LPP: variants seen among roughly 807,000 people sequenced by gnomAD.
The protein encoded by LPP is lipoma-preferred partner.
In LPP, 38 loss-of-function variants were observed where a neutral mutation model predicts 60.4. The observed-to-expected ratio is 0.63, with a 90% confidence interval of 0.49 to 0.83. The LOEUF (loss-of-function observed/expected upper bound fraction) is 0.83. Among genes scored for constraint, LPP ranks in the 40% least tolerant of loss-of-function variants. The pLI, the probability that LPP is intolerant of heterozygous loss-of-function variation, is 0.00. For missense variants in LPP, 902 were observed against 783.6 expected, an observed-to-expected ratio of 1.15 and a Z score of -1.80; for synonymous variants, 328 against 290.8, an observed-to-expected ratio of 1.13 and a Z score of -1.30.
rs148121433 is a variant in LPP at position 188,772,394 on chromosome 3, C to A, written c.1410+12112C>A. ...CTCATAGGATTGATCCTCACCACAA[C>A]TGGTATTATCAAGTCACTGGCATCC... On this transcript the variant is annotated intron_variant, in intron 9 of 11. Transcript: ENST00000617246. Among the ~76,000 whole-genome samples, 15 of 152,352 alleles carry A rather than the reference C, an allele frequency of 9.8e-5. No homozygotes were observed. The East Asian group carries it at 2.5e-3, about 25-fold the overall frequency.
At chr3:188,241,320 C>T (rs989696157) in intron 2 of LPP, among the ~76,000 whole-genome samples, 4 of 152,230 alleles carry the variant, frequency 2.6e-5, no homozygotes, top group Non-Finnish European at 5.9e-5. Context: ...AACGCCTGTC[C>T]GCTGTGTGCT....
At chr3:188,256,471 A>G (rs1192039692) in intron 2 of LPP, among the ~76,000 whole-genome samples, 2 of 152,240 alleles carry the variant, frequency 1.3e-5, no homozygotes, top group Non-Finnish European at 2.9e-5. Flanking sequence ...TTATGACACC[A>G]AACAGAATGA....
In LPP at chr3:188,734,660, C is replaced by G. The variant is rs535165639; in HGVS notation, c.1241-25453C>G. On this transcript the variant is annotated intron_variant, in intron 8 of 11. Coordinates refer to ENST00000617246, the MANE Select transcript of LPP (RefSeq NM_001375462.1). ...TGGATTATTGTAACAGCCTGTGGAACCTCCTTCCCTGGGGAATTTTGAGAA... is the reference window on the plus strand; with the variant it reads ...TGGATTATTGTAACAGCCTGTGGAAGCTCCTTCCCTGGGGAATTTTGAGAA... Among the ~76,000 whole-genome samples, 4 of 152,232 alleles carry G rather than the reference C, an allele frequency of 2.6e-5. No homozygotes were observed. In the South Asian group the frequency reaches 6.2e-4, roughly 24 times the overall value.
Position 188,352,492 on chromosome 3 carries a change from G to A in LPP, c.-10+10773G>A, listed in dbSNP as rs772886227. Among the ~76,000 whole-genome samples, 11 of 152,304 alleles carry A rather than the reference G, an allele frequency of 7.2e-5. No individual in the cohort carries two copies. The highest frequency in any genetic ancestry group is 1.6e-4 in the Non-Finnish European group (11 of 68,022). The stretch of plus-strand genomic sequence containing the variant: ...CTGTGTGACTGGCGAGCCCTCAGTT[G>A]CCACTTGGAAACGGTTGGAAACTGT... On this transcript the variant is annotated intron_variant, in intron 3 of 11. Transcript: ENST00000617246. The surrounding 1 kb of genome is among the most constrained non-coding windows in gnomAD (Gnocchi z 4.4).
intron 9 of LPP, among the ~76,000 whole-genome samples, chr3:188,856,876 T>C (rs897045493): frequency 2.6e-5 from 4 of 152,220 alleles, no homozygotes; most frequent in African/African-American, 9.7e-5. Context: ...TATTTATCAG[T>C]GTGCAACAAT....
At chr3:188,275,661 G>A (rs753059467) in intron 2 of LPP, among the ~76,000 whole-genome samples, 6 of 150,368 alleles carry the variant, frequency 4.0e-5, no homozygotes, top group Non-Finnish European at 7.4e-5. Context: ...ATTATTTATT[G>A]AGCACCTGCT....
At chr3:188,585,482 C>A (rs1301839395) in intron 6 of LPP, among the ~76,000 whole-genome samples, 2 of 152,134 alleles carry the variant, frequency 1.3e-5, no homozygotes, top group Non-Finnish European at 2.9e-5. Flanking sequence ...GATTTTCTCA[C>A]AACTCTGACA....
chr3:188,800,760 A>C (rs1353730181), intron 9 of LPP, among the ~76,000 whole-genome samples: 3 of 152,080 alleles, frequency 2.0e-5, no homozygotes, highest in East Asian at 3.9e-4. Flanking sequence ...TAAAAATGGA[A>C]TCTCATTGTT....
At chr3:188,341,267 G>A (rs1372488947) in intron 2 of LPP, among the ~76,000 whole-genome samples, 1 of 152,202 alleles carries the variant, frequency 6.6e-6, no homozygotes, top group Non-Finnish European at 1.5e-5. Flanking sequence ...GGACTAGCAG[G>A]CACAAACTTT....
intron 5 of LPP, among the ~76,000 whole-genome samples, chr3:188,509,696 C>T (rs867802244): frequency 2.2e-4 from 22 of 97,916 alleles, no homozygotes; most frequent in African/African-American, 5.7e-4. Context: ...CTCTCTCTCT[C>T]TCTTTTCTTT....
chr3:188,272,557 T>G (rs1021616002), intron 2 of LPP, among the ~76,000 whole-genome samples: 3 of 152,176 alleles, frequency 2.0e-5, no homozygotes, highest in African/African-American at 7.2e-5. Context: ...CTTTTGCTAC[T>G]GCAGAGGTAT....
intron 9 of LPP, among the ~76,000 whole-genome samples, chr3:188,819,944 G>A (rs976018081): frequency 2.6e-5 from 4 of 152,106 alleles, no homozygotes; most frequent in Non-Finnish European, 4.4e-5. Context: ...AATTAAGATC[G>A]CTGTCCATCT....
At position 188,609,284 on chromosome 3, in the gene LPP, G is replaced by C; in HGVS notation, c.553G>C (p.Ala185Pro). The change falls in exon 7 of 12, where the codon GCA (alanine) becomes CCA (proline). Residue 185 changes from alanine (A) to proline (P), a missense_variant. Coordinates refer to ENST00000617246, the MANE Select transcript of LPP (RefSeq NM_001375462.1). This position sits in a 1 kb window ranked among gnomAD's most constrained non-coding sequence, Gnocchi z 6.9. The part of the protein sequence containing the change: ...TKKSTLKPQP[A>P]PQAGPIPVAP... ...GAAGTCTACATTGAAACCACAGCCT[G>C]CACCCCAGGCTGGACCCATCCCTGT... is the stretch of plus-strand genomic sequence containing the variant. 2 of 1,613,982 alleles carry C rather than the reference G, an allele frequency of 1.2e-6. No homozygotes were observed. Among genetic ancestry groups the C allele is most frequent in the Admixed American group, 3.3e-5 (2 of 60,012 alleles).
At position 188,441,609 on chromosome 3, in the gene LPP, C is replaced by CTTTCTT. The variant is rs1793886236; in HGVS notation, c.193+35299_193+35300insCTTTTT. 1.6e-3 allele frequency among the ~76,000 whole-genome samples: 89 copies of CTTTCTT among 55,664 alleles called. 3 individuals carry two copies. The highest frequency in any genetic ancestry group is 5.2e-3 in the East Asian group (8 of 1,546). The allele number at this position is 55,664 out of a possible 152,430, so 36.5% of individuals were successfully genotyped here. On this transcript the variant is annotated intron_variant, in intron 4 of 11. Transcript: ENST00000617246. The stretch of plus-strand genomic sequence containing the variant: ...ACAGTTTCTTTTTTTCTTTTCTTTT[C>CTTTCTT]TTTTTTTTTTTTTTTTTTTTTTTTT...
intron 9 of LPP, among the ~76,000 whole-genome samples, chr3:188,817,301 C>T (rs551428027): frequency 1.3e-5 from 2 of 152,160 alleles, no homozygotes; most frequent in Non-Finnish European, 2.9e-5. Flanking sequence ...TTCACAGAGC[C>T]TTATCAAAGT....
chr3:188,311,471 TCTAAACTAAACTAAACTAAA>T (rs56278922), intron 2 of LPP, among the ~76,000 whole-genome samples: 125 of 142,062 alleles, frequency 8.8e-4, no homozygotes, highest in South Asian at 5.3e-3. Flanking sequence ...AGACCCTATC[TCTAAACTAAACTAAACTAAA>T]CTAAACTAAA....
At chr3:188,589,038 T>C (rs1419711423) in intron 6 of LPP, among the ~76,000 whole-genome samples, 1 of 152,100 alleles carries the variant, frequency 6.6e-6, no homozygotes, top group East Asian at 1.9e-4. Context: ...CTTCCTGTGA[T>C]AAATTTCTCC....
intron 6 of LPP, among the ~76,000 whole-genome samples, chr3:188,563,729 T>TTG (rs1831394216): frequency 3.2e-5 from 1 of 31,282 alleles, no homozygotes; most frequent in Admixed American, 2.7e-4. Flanking sequence ...TTTTTTTTTG[T>TTG]TTTTTTTTTG....
intron 7 of LPP, among the ~76,000 whole-genome samples, chr3:188,628,727 A>G (rs1847309036): frequency 6.6e-6 from 1 of 152,148 alleles, no homozygotes; most frequent in Non-Finnish European, 1.5e-5. Flanking sequence ...ATCGAGGAGG[A>G]GGGACTCCTC....
Sources: allele counts gnomAD v4.1 joint callset (sites outside exome capture counted in the v4.1 genomes callset), GRCh38; gene constraint gnomAD v4.1.1; non-coding constraint Gnocchi (gnomAD v3.1); transcripts MANE v1.5; gene names NCBI Gene and HGNC (gene_info 2026-07-23, HGNC 2026-07-21).